The following PCDH15 variants were observed in gnomAD, a reference collection of about 807,000 sequenced individuals.
PCDH15 encodes the protein protocadherin related 15.
In PCDH15, 129 loss-of-function variants were observed where a neutral mutation model predicts 178.5. The ratio of observed to expected loss-of-function variants is 0.72; its 90% CI spans 0.63 to 0.84. The LOEUF is 0.84. PCDH15 is among the 40% of genes least tolerant of loss of function. The pLI is 0.00. For synonymous variants in PCDH15, 800 were observed against 732.0 expected (o/e 1.09, Z -1.50); for missense variants, 2,230 against 2,099.9 (o/e 1.06, Z -1.21).
intron 28 of PCDH15, among the ~76,000 whole-genome samples, chr10:53,846,683 T>C (rs1049383011): frequency 2.6e-5 from 4 of 152,050 alleles, no homozygotes; most frequent in African/African-American, 9.6e-5. Flanking sequence ...TCCAGTTACC[T>C]GTATATACAT....
At chr10:53,823,075 G>T in intron 32 of PCDH15, 1 of 1,613,878 alleles carries the variant, frequency 6.2e-7, no homozygotes, top group Non-Finnish European at 8.5e-7. Context: ...GGTGAAAATG[G>T]GTCTACAAAA....
chr10:54,787,923 G>A (rs992929408), intron 1 of PCDH15, among the ~76,000 whole-genome samples: 1 of 151,812 alleles, frequency 6.6e-6, no homozygotes, highest in African/African-American at 2.4e-5. Flanking sequence ...GAGAGTATCC[G>A]AGAGAGCGTG....
At chr10:55,370,442 C>T (rs1394729831) in intron 2 of PCDH15, among the ~76,000 whole-genome samples, 2 of 151,972 alleles carry the variant, frequency 1.3e-5, no homozygotes, top group African/African-American at 2.4e-5. Context: ...TTTTTGACAG[C>T]CAAATTGAAA....
chr10:55,277,531 A>G (rs1842623974), intron 1 of PCDH15, among the ~76,000 whole-genome samples: 3 of 152,094 alleles, frequency 2.0e-5, no homozygotes, highest in African/African-American at 7.2e-5. Flanking sequence ...TCAAGTAGTG[A>G]AAAAGAACCT....
At chr10:54,840,811 CA>C (rs1171418915) in intron 3 of PCDH15, among the ~76,000 whole-genome samples, 36 of 151,642 alleles carry the variant, frequency 2.4e-4, no homozygotes, top group Admixed American at 2.2e-3. Flanking sequence ...GACTTGTAGT[CA>C]AAATCTGTCA....
chr10:54,881,806 T>C (rs1954267514), intron 3 of PCDH15, among the ~76,000 whole-genome samples: 2 of 152,160 alleles, frequency 1.3e-5, no homozygotes, highest in Non-Finnish European at 1.5e-5. Flanking sequence ...CATATCTCTG[T>C]CTTAAAGCCA....
intron 2 of PCDH15, among the ~76,000 whole-genome samples, chr10:54,530,769 T>C (rs1360944481): frequency 2.0e-5 from 3 of 152,194 alleles, no homozygotes; most frequent in Non-Finnish European, 4.4e-5. Flanking sequence ...ATACTACATA[T>C]ACTTCTGGAT....
intron 8 of PCDH15, among the ~76,000 whole-genome samples, chr10:54,309,267 A>G (rs1159103809): frequency 3.9e-5 from 6 of 151,908 alleles, no homozygotes; most frequent in African/African-American, 1.4e-4. Context: ...ATATATTTGG[A>G]TAATCTACAA....
intron 2 of PCDH15, among the ~76,000 whole-genome samples, chr10:55,498,003 A>T (rs1589083311): frequency 6.6e-6 from 1 of 151,860 alleles, no homozygotes; most frequent in Admixed American, 6.6e-5. Context: ...TTTAGCCTAT[A>T]TCTACTCTTA....
rs192421873 is a variant in PCDH15, at chr10:55,255,909, C to T, written c.-156+63690G>A. On this transcript the variant is annotated intron_variant, in intron 1 of 5. Transcript: ENST00000458638. ...TTCCATTCTTTAGGTTGCCTGTTCACTCTGATGGTAGTTTCTTTTGCTGTG... is the reference window on the plus strand; with the variant it reads ...TTCCATTCTTTAGGTTGCCTGTTCATTCTGATGGTAGTTTCTTTTGCTGTG... 5.6e-3 allele frequency among the ~76,000 whole-genome samples: 856 copies of T among 152,258 alleles called. 9 individuals are homozygous for T. The highest frequency in any genetic ancestry group is 0.02 in the African/African-American group (824 of 41,550).
intron 1 of PCDH15, among the ~76,000 whole-genome samples, chr10:55,196,085 T>C (rs1840086546): frequency 6.6e-6 from 1 of 152,158 alleles, no homozygotes; most frequent in African/African-American, 2.4e-5. Context: ...TTAATGACTT[T>C]GTACAGTTTG....
chr10:54,879,623 TA>T (rs1211017230), intron 3 of PCDH15, among the ~76,000 whole-genome samples: 1 of 151,508 alleles, frequency 6.6e-6, no homozygotes, highest in East Asian at 1.9e-4. Flanking sequence ...AAATCTTTCT[TA>T]AAAGCCCTAA....
chr10:54,288,024 G>A (rs1007667318), intron 8 of PCDH15, among the ~76,000 whole-genome samples: 1 of 152,046 alleles, frequency 6.6e-6, no homozygotes, highest in East Asian at 1.9e-4. Flanking sequence ...TGATGATGAT[G>A]GGAAAGAGAG....
At chr10:54,470,845 A>G (rs947559677) in intron 3 of PCDH15, among the ~76,000 whole-genome samples, 7 of 152,104 alleles carry the variant, frequency 4.6e-5, no homozygotes, top group African/African-American at 1.7e-4. Context: ...TCAAAGTGTC[A>G]TTATCTACTC....
At position 55,191,911 on chromosome 10, in the gene PCDH15, T is replaced by C. The variant is rs374651822; in HGVS notation, c.-155-25260A>G. ...AGCATGACACTGTGTTTGAACAAGA[T>C]AGCAAACCACTGCAAATCCCGTTTG... On this transcript the variant is annotated intron_variant, in intron 1 of 5. Transcript: ENST00000458638. Among the ~76,000 whole-genome samples the C allele has an allele frequency of 7.5e-4, 114 of 151,978 alleles. 1 individual carries two copies. In the South Asian group the frequency reaches 0.02, roughly 27 times the overall value.
At chr10:55,371,054 T>C (rs1845496563) in intron 2 of PCDH15, among the ~76,000 whole-genome samples, 1 of 152,150 alleles carries the variant, frequency 6.6e-6, no homozygotes, top group South Asian at 2.1e-4. Context: ...TATTGTTTTG[T>C]TGCATCATAG....
intron 2 of PCDH15, among the ~76,000 whole-genome samples, chr10:55,505,529 C>A (rs960522139): frequency 2.6e-4 from 39 of 151,288 alleles, no homozygotes; most frequent in Non-Finnish European, 4.9e-4. Context: ...TTGAGCTGGA[C>A]AGATTCACAA....
At chr10:53,874,306 C>T (rs1027187890) in intron 26 of PCDH15, among the ~76,000 whole-genome samples, 2 of 152,040 alleles carry the variant, frequency 1.3e-5, no homozygotes, top group Non-Finnish European at 2.9e-5. Flanking sequence ...TACTTTTCCC[C>T]CTGCTACCAC....
chr10:53,819,063 A>G (rs1021859348), intron 33 of PCDH15, among the ~76,000 whole-genome samples: 1 of 152,072 alleles, frequency 6.6e-6, no homozygotes. Context: ...TAGAGTGCTT[A>G]CACGGTTCTG....
Sources: allele counts gnomAD v4.1 joint callset (sites outside exome capture counted in the v4.1 genomes callset), GRCh38; gene constraint gnomAD v4.1.1; transcripts MANE v1.5; gene names NCBI Gene and HGNC (gene_info 2026-07-23, HGNC 2026-07-21).